TTLL9: variants seen among roughly 807,000 people sequenced by gnomAD.
TTLL9 encodes probable tubulin polyglutamylase TTLL9.
Under a neutral mutation model 65.6 loss-of-function variants are expected in TTLL9, and 47 were observed. That is an observed-to-expected ratio of 0.72 (90% CI 0.57 to 0.91). The LOEUF is 0.91. Ranked by LOEUF, TTLL9 falls within the 40% of genes least tolerant of loss-of-function variation. The pLI is 0.00. For missense variants in TTLL9, 537 were observed against 568.8 expected (o/e 0.94, Z 0.57); for synonymous variants, 179 against 204.8 (o/e 0.87, Z 1.07).
Position 31,939,274 on chromosome 20 carries a change from G to A in TTLL9, c.1243+8G>A. ...TGACCAACACACATCTCGGTATGTA[G>A]GGCCAGGTGGGGAGTGGGCACAAGG... On this transcript the variant is annotated splice_region_variant and intron_variant, in intron 14 of 14. Coordinates refer to ENST00000535842, the MANE Select transcript of TTLL9 (RefSeq NM_001008409.5). 6.2e-7 allele frequency: 1 copy of A among 1,613,252 alleles called. No individual in the cohort carries two copies. Among genetic ancestry groups the A allele is most frequent in the Non-Finnish European group, 8.5e-7 (1 of 1,179,748 alleles).
rs904864890 is a variant in TTLL9 at position 31,918,300 on chromosome 20, G to A, written c.505-1564G>A. 4.6e-5 allele frequency among the ~76,000 whole-genome samples: 7 copies of A among 152,050 alleles called. 1 individual carries two copies. The highest frequency in any genetic ancestry group is 7.2e-5 in the African/African-American group (3 of 41,406). The stretch of plus-strand genomic sequence containing the variant: ...TGTTTGTCCGAGATGACGAGATGAC[G>A]GTGCTCTTGTTCTGTCAATTAGCAC... On this transcript the variant is annotated intron_variant, in intron 6 of 14. Coordinates refer to ENST00000535842, the MANE Select transcript of TTLL9 (RefSeq NM_001008409.5).
chr20:31,933,906 A>G, intron 11 of TTLL9, 48 bp downstream of exon 11: 2 of 1,568,598 alleles, frequency 1.3e-6, no homozygotes, highest in East Asian at 2.3e-5. Context: ...CTCTGGCGCC[A>G]GGTCGGGGTG....
At chr20:31,916,652 T>G (rs1354290781) in intron 6 of TTLL9, among the ~76,000 whole-genome samples, 1 of 152,232 alleles carries the variant, frequency 6.6e-6, no homozygotes, top group Non-Finnish European at 1.5e-5. Context: ...CCATCGACTC[T>G]GCATCCTGTG....
intron 6 of TTLL9, among the ~76,000 whole-genome samples, chr20:31,919,505 G>A (rs1318279292): frequency 6.6e-6 from 1 of 152,208 alleles, no homozygotes; most frequent in Non-Finnish European, 1.5e-5. Context: ...GCTGATTTCA[G>A]TATTAGCCGG....
intron 14 of TTLL9, chr20:31,941,260 CT>C (rs1262311987): frequency 6.6e-6 from 1 of 151,534 alleles, no homozygotes; most frequent in Non-Finnish European, 1.5e-5. Flanking sequence ...TAGACCCCAC[CT>C]TTTGATGAGA....
chr20:31,936,650 CT>C (rs1195477879), intron 12 of TTLL9, among the ~76,000 whole-genome samples: 2 of 152,224 alleles, frequency 1.3e-5, no homozygotes, highest in African/African-American at 2.4e-5. Context: ...TTCCCACCCC[CT>C]GACACAGCAG....
At chr20:31,942,639 A>G (rs773071895) in intron 14 of TTLL9, among the ~76,000 whole-genome samples, 1 of 152,182 alleles carries the variant, frequency 6.6e-6, no homozygotes. Flanking sequence ...CGAGGGCCAA[A>G]CAAATCCATC....
At position 31,909,858 on chromosome 20, in the gene TTLL9, G is replaced by C. The variant is rs1282338834; in HGVS notation, c.440G>C (p.Cys147Ser). The part of the protein sequence containing the change: ...DFFPKTFEMP[C>S]EYHLFVEEFR... ...TTCCCCAAAACCTTTGAGATGCCTT[G>C]CGAGTACCACCTGTTTGTAGAGGAG... The change falls in exon 6 of 15, where the codon TGC (cysteine) becomes TCC (serine). Residue 147 changes from cysteine (C) to serine (S), a missense_variant. Cys to Ser is a moderately radical substitution (Grantham distance 112). This residue lies in a region of TTLL9 where 320 missense variants were observed against 311.0 expected (regional missense o/e 1.03). Transcript: ENST00000535842. 5 of 1,614,150 alleles carry C rather than the reference G, an allele frequency of 3.1e-6. No individual in the cohort carries two copies. The African/African-American group carries it at 6.7e-5, about 22-fold the overall frequency.
Position 31,934,823 on chromosome 20 carries a change from C to T in TTLL9, c.939C>T (p.Ile313=), listed in dbSNP as rs1288882066. 1 of 1,613,910 alleles carries T rather than the reference C, an allele frequency of 6.2e-7. No individual in the cohort carries two copies. Among genetic ancestry groups the T allele is most frequent in the East Asian group, 2.2e-5 (1 of 44,892 alleles). The change falls in exon 12 of 15, where the codon ATC becomes ATT. Residue 313 remains isoleucine (I), a synonymous_variant. Coordinates refer to ENST00000535842, the MANE Select transcript of TTLL9 (RefSeq NM_001008409.5). ...GCCTGCAGAGTGTGCAGAAGGTGATCATCAGTGACAAGCACTGCTTCGAGC... is the reference window on the plus strand; with the variant it reads ...GCCTGCAGAGTGTGCAGAAGGTGATTATCAGTGACAAGCACTGCTTCGAGC... ...VKSLQSVQKV[I]ISDKHCFELY... is the part of the protein sequence containing the mutation.
In TTLL9 at chr20:31,870,820, G is replaced by A; in HGVS notation, c.-135G>A. 1 of 528,090 alleles carries A rather than the reference G, an allele frequency of 1.9e-6. No homozygotes were observed. Among genetic ancestry groups the A allele is most frequent in the Non-Finnish European group, 3.3e-6 (1 of 303,214 alleles). 32.7% of individuals were successfully genotyped at this position (528,090 alleles called of 1,614,324 possible). On this transcript the variant is annotated 5_prime_UTR_variant, in exon 1 of 15. It introduces an in-frame stop codon into an upstream open reading frame of the 5' UTR. Coordinates refer to ENST00000535842, the MANE Select transcript of TTLL9 (RefSeq NM_001008409.5). This position sits in a 1 kb window ranked among gnomAD's most constrained non-coding sequence, Gnocchi z 6.6. ...TCCCGTCCCCCTTCCGGCTCTGCCT[G>A]GACGTCCCTGCGGGCCCCGGGGGAA...
At chr20:31,873,814 AAGG>A (rs2062990115) in intron 2 of TTLL9, among the ~76,000 whole-genome samples, 1 of 75,014 alleles carries the variant, frequency 1.3e-5, no homozygotes, top group African/African-American at 4.8e-5. Context: ...GGAAGGAAGG[AAGG>A]AAGGAAGAAA....
chr20:31,887,686 G>A (rs982384778), intron 3 of TTLL9, among the ~76,000 whole-genome samples: 6 of 152,138 alleles, frequency 3.9e-5, no homozygotes, highest in Non-Finnish European at 8.8e-5. Flanking sequence ...TGGATAACCT[G>A]CATGCCAAAC....
At chr20:31,896,245 T>A (rs1271252974) in intron 3 of TTLL9, among the ~76,000 whole-genome samples, 1 of 152,206 alleles carries the variant, frequency 6.6e-6, no homozygotes, top group African/African-American at 2.4e-5. Flanking sequence ...CCCGAAGAGC[T>A]GGGATTATAG....
chr20:31,899,315 G>T (rs1490886632), intron 4 of TTLL9, among the ~76,000 whole-genome samples: 3 of 152,150 alleles, frequency 2.0e-5, no homozygotes, highest in Admixed American at 1.3e-4. Flanking sequence ...ATTCCAAACA[G>T]CAGGAGGTAG....
intron 6 of TTLL9, among the ~76,000 whole-genome samples, chr20:31,916,772 C>T (rs1478739713): frequency 2.6e-5 from 4 of 152,122 alleles, no homozygotes; most frequent in African/African-American, 9.7e-5. Flanking sequence ...GGAAGGAGCC[C>T]GGGATATTTC....
At chr20:31,923,904 C>T (rs1295715270) in intron 8 of TTLL9, among the ~76,000 whole-genome samples, 9 of 152,236 alleles carry the variant, frequency 5.9e-5, no homozygotes, top group East Asian at 5.8e-4. Context: ...TGTCCCCAGC[C>T]GAGACCTTGC....
In TTLL9 at chr20:31,943,870, A is replaced by G. The variant is rs1027055402; in HGVS notation, c.*849A>G. 1.5e-5 allele frequency: 7 copies of G among 456,116 alleles called. No homozygotes were observed. Among genetic ancestry groups the G allele is most frequent in the Non-Finnish European group, 2.6e-5 (6 of 226,808 alleles). The allele number at this position is 456,116 out of a possible 1,614,324, so 28.3% of individuals were successfully genotyped here. On this transcript the variant is annotated 3_prime_UTR_variant, in exon 15 of 15. Transcript: ENST00000535842. The stretch of plus-strand genomic sequence containing the variant: ...TGTGAGTAAAAATCTGCCTTTTCAC[A>G]TCTTACATTGCTAAGCTTCCTCTTG...
chr20:31,871,239 G>A (rs1343258645), intron 2 of TTLL9, 44 bp downstream of exon 2: 1 of 1,593,172 alleles, frequency 6.3e-7, no homozygotes, highest in South Asian at 1.1e-5. Context: ...CCAGTCTGAA[G>A]GAGACTACAT....
At chr20:31,886,958 C>G (rs2063198177) in intron 2 of TTLL9, among the ~76,000 whole-genome samples, 1 of 152,176 alleles carries the variant, frequency 6.6e-6, no homozygotes, top group Non-Finnish European at 1.5e-5. Context: ...GTGGAGCAAA[C>G]CTGCAGTAAG....
Sources: allele counts gnomAD v4.1 joint callset (sites outside exome capture counted in the v4.1 genomes callset), GRCh38; gene constraint gnomAD v4.1.1; regional missense constraint gnomAD v4.1.1; non-coding constraint Gnocchi (gnomAD v3.1); transcripts MANE v1.5; gene names NCBI Gene and HGNC (gene_info 2026-07-23, HGNC 2026-07-21).